KCNMA1: variants seen among roughly 807,000 people sequenced by gnomAD.
KCNMA1 encodes Calcium-activated potassium channel subunit alpha-1.
A neutral mutation model predicts 140.0 loss-of-function variants in KCNMA1; 29 were observed. That is an observed-to-expected ratio of 0.21 (90% CI 0.15 to 0.28). The LOEUF (loss-of-function observed/expected upper bound fraction) is 0.28, where lower values mean the gene tolerates loss of function less well. KCNMA1 is among the 10% of genes least tolerant of loss of function. The pLI is 1.00. For synonymous variants in KCNMA1, 612 were observed against 611.9 expected, an observed-to-expected ratio of 1.00 and a Z score of 0.00; for missense variants, 880 against 1,602.2, an observed-to-expected ratio of 0.55 and a Z score of 7.70.
At chr10:77,579,664 A>T (rs1296960572) in intron 1 of KCNMA1, among the ~76,000 whole-genome samples, 1 of 152,164 alleles carries the variant, frequency 6.6e-6, no homozygotes, top group Admixed American at 6.5e-5. Flanking sequence ...TAAGAAAAAG[A>T]AAGACAAGAT....
Position 77,269,380 on chromosome 10 carries a change from C to T in KCNMA1, c.541-18124G>A, listed in dbSNP as rs1600684643. ...CTGATTCCAAAGGTCTGATGAACAG[C>T]TTAGAACTCTGCATTTTCAACAGGC... On this transcript the variant is annotated intron_variant, in intron 2 of 27. Coordinates refer to ENST00000286628, the MANE Select transcript of KCNMA1 (RefSeq NM_001161352.2). Among the ~76,000 whole-genome samples, 5 of 152,290 alleles carry T rather than the reference C, an allele frequency of 3.3e-5. 2 individuals are homozygous for T. Among genetic ancestry groups the T allele is most frequent in the Admixed American group, 3.3e-4 (5 of 15,302 alleles).
chr10:77,109,235 C>A (rs146735591), intron 8 of KCNMA1, among the ~76,000 whole-genome samples: 1 of 152,030 alleles, frequency 6.6e-6, no homozygotes, highest in Non-Finnish European at 1.5e-5. Flanking sequence ...GAAATGCTTG[C>A]GTGAATGTAC....
intron 1 of KCNMA1, among the ~76,000 whole-genome samples, chr10:77,575,733 C>T (rs1272284713): frequency 6.6e-6 from 1 of 152,346 alleles, no homozygotes; most frequent in African/African-American, 2.4e-5. Flanking sequence ...AGAGGCTATT[C>T]GGATTTGTTC....
chr10:77,473,611 T>C (rs1249326837), intron 1 of KCNMA1, among the ~76,000 whole-genome samples: 1 of 151,944 alleles, frequency 6.6e-6, no homozygotes, highest in African/African-American at 2.4e-5. Flanking sequence ...AGGAGGCATT[T>C]AAGAAGAGGT....
rs189964360 is a variant in KCNMA1 at position 77,244,134 on chromosome 10, A to G, written c.602+7061T>C. Among the ~76,000 whole-genome samples the G allele has an allele frequency of 1.5e-3, 235 of 152,288 alleles. 5 individuals are homozygous for G. The South Asian group carries it at 0.023, about 15-fold the overall frequency. ...GTATTTAGTAGAAAGAACCCAGGAG[A>G]TCAAGTAGAAAAGGACTGGGAGAGA... On this transcript the variant is annotated intron_variant, in intron 3 of 27. Coordinates refer to ENST00000286628, the MANE Select transcript of KCNMA1 (RefSeq NM_001161352.2).
intron 1 of KCNMA1, among the ~76,000 whole-genome samples, chr10:77,610,610 C>CT (rs960866500): frequency 6.6e-6 from 1 of 152,172 alleles, no homozygotes; most frequent in Non-Finnish European, 1.5e-5. Context: ...CTCCCATTGG[C>CT]TAAGTGAGAG....
At chr10:77,472,785 G>A (rs2098193736) in intron 1 of KCNMA1, among the ~76,000 whole-genome samples, 1 of 152,202 alleles carries the variant, frequency 6.6e-6, no homozygotes, top group African/African-American at 2.4e-5. Context: ...TGGAGCTTGT[G>A]TTTATTCATA....
chr10:77,602,578 T>A (rs2083013742), intron 1 of KCNMA1, among the ~76,000 whole-genome samples: 1 of 152,284 alleles, frequency 6.6e-6, no homozygotes, highest in East Asian at 1.9e-4. Flanking sequence ...GCTCGGTTTT[T>A]AAAATTTGAT....
chr10:77,466,142 A>G (rs545456857), intron 1 of KCNMA1, among the ~76,000 whole-genome samples: 4 of 152,236 alleles, frequency 2.6e-5, no homozygotes, highest in African/African-American at 9.6e-5. Context: ...TGCCCCTCTG[A>G]AGCCTGGCTG....
At chr10:77,227,032 C>T (rs2051704167) in intron 3 of KCNMA1, among the ~76,000 whole-genome samples, 1 of 152,134 alleles carries the variant, frequency 6.6e-6, no homozygotes, top group African/African-American at 2.4e-5. Flanking sequence ...AAGCTGACTT[C>T]CCCTTTGCCT....
intron 25 of KCNMA1, among the ~76,000 whole-genome samples, chr10:76,893,190 G>A (rs946900316): frequency 6.6e-6 from 1 of 152,108 alleles, no homozygotes; most frequent in African/African-American, 2.4e-5. Context: ...TCTGTAAAAT[G>A]TAATAATAGA....
intron 19 of KCNMA1, among the ~76,000 whole-genome samples, chr10:76,981,470 A>C (rs1027590825): frequency 6.6e-6 from 1 of 152,162 alleles, no homozygotes; most frequent in Non-Finnish European, 1.5e-5. Flanking sequence ...AATTACAGGA[A>C]ATTCACGCCG....
chr10:77,121,884 T>C (rs112023316), intron 5 of KCNMA1, among the ~76,000 whole-genome samples: 1,850 of 152,346 alleles, frequency 0.012, 36 homozygotes, highest in African/African-American at 0.042. Context: ...TTGGCTATCA[T>C]GCAAGGGAAT....
chr10:77,523,961 G>C (rs1226373066), intron 1 of KCNMA1, among the ~76,000 whole-genome samples: 1 of 152,170 alleles, frequency 6.6e-6, no homozygotes, highest in Non-Finnish European at 1.5e-5. Flanking sequence ...TGGATTGTTT[G>C]TAACTCAAAG....
intron 23 of KCNMA1, among the ~76,000 whole-genome samples, chr10:76,941,333 T>C (rs1223609339): frequency 3.3e-5 from 5 of 152,140 alleles, no homozygotes; most frequent in Non-Finnish European, 5.9e-5. Context: ...CTCAGGCCAG[T>C]GGGCACTCCA....
chr10:77,223,764 T>C (rs1285068470), intron 3 of KCNMA1, among the ~76,000 whole-genome samples: 6 of 151,944 alleles, frequency 3.9e-5, no homozygotes, highest in Non-Finnish European at 5.9e-5. Context: ...TCAAGGAGGG[T>C]GTGCTTGGAT....
intron 9 of KCNMA1, among the ~76,000 whole-genome samples, chr10:77,106,432 G>T (rs927757362): frequency 1.3e-5 from 2 of 152,100 alleles, no homozygotes; most frequent in African/African-American, 4.8e-5. Context: ...GGGGCAGTGA[G>T]TGAGTGCCGG....
intron 5 of KCNMA1, among the ~76,000 whole-genome samples, chr10:77,148,897 G>T (rs7095155): frequency 1.3e-5 from 2 of 151,580 alleles, no homozygotes; most frequent in African/African-American, 2.4e-5. Context: ...TTTGAGAACA[G>T]GTACTTCTAC....
At chr10:77,150,052 G>A (rs1164189339) in intron 5 of KCNMA1, 1 of 152,096 alleles carries the variant, frequency 6.6e-6, no homozygotes, top group Non-Finnish European at 1.5e-5. Flanking sequence ...GAAAATTTCT[G>A]CCACAATATG....
Sources: allele counts gnomAD v4.1 joint callset (sites outside exome capture counted in the v4.1 genomes callset), GRCh38; gene constraint gnomAD v4.1.1; transcripts MANE v1.5; gene names NCBI Gene and HGNC (gene_info 2026-07-23, HGNC 2026-07-21).